The following TMEM114 variants were observed in gnomAD, a reference collection of about 807,000 sequenced individuals.
TMEM114 encodes the protein claudin-26.
TMEM114 carries 6 observed loss-of-function variants against 6.2 expected under a neutral mutation model. That is an observed-to-expected ratio of 0.97 (90% confidence interval 0.53 to 1.91). The LOEUF is 1.91. Among genes scored for constraint, TMEM114 ranks in the 40% most tolerant of loss-of-function variants. The pLI, the probability that TMEM114 is intolerant of heterozygous loss-of-function variation, is 0.01. For synonymous variants in TMEM114, 104 were observed against 73.0 expected, an observed-to-expected ratio of 1.42 and a Z score of -2.16; for missense variants, 218 against 158.3, an observed-to-expected ratio of 1.38 and a Z score of -2.02.
intron 2 of TMEM114, 132 bp from the exon 3 acceptor site, chr16:8,572,356 T>C: frequency 1.1e-6 from 1 of 926,332 alleles, no homozygotes; most frequent in Non-Finnish European, 1.7e-6. Context: ...GACGATTACT[T>C]CTACTGTTTC....
At chr16:8,555,714 A>C (rs954873245) in intron 2 of TMEM114, among the ~76,000 whole-genome samples, 3 of 152,176 alleles carry the variant, frequency 2.0e-5, no homozygotes, top group African/African-American at 4.8e-5. Context: ...CGTGTCTTCC[A>C]GGGGACACCT....
At chr16:8,542,976 A>C (rs1900558567) in intron 2 of TMEM114, among the ~76,000 whole-genome samples, 1 of 152,352 alleles carries the variant, frequency 6.6e-6, no homozygotes, top group African/African-American at 2.4e-5. Context: ...AGCAACATGA[A>C]AATGTTATAC....
chr16:8,558,020 A>G (rs8049554), intron 2 of TMEM114, among the ~76,000 whole-genome samples: 56,340 of 151,648 alleles, frequency 0.37, 11,076 homozygotes, highest in East Asian at 0.52. Flanking sequence ...TTGGGAGGCT[A>G]AGGCAGGCGG....
intron 2 of TMEM114, among the ~76,000 whole-genome samples, chr16:8,574,995 T>A (rs1381896098): frequency 6.6e-6 from 1 of 152,204 alleles, no homozygotes; most frequent in Non-Finnish European, 1.5e-5. Flanking sequence ...TACTTAGAAA[T>A]GCTCCCATCG....
intron 2 of TMEM114, among the ~76,000 whole-genome samples, chr16:8,563,661 GC>G (rs1428287135): frequency 6.6e-6 from 1 of 150,994 alleles, no homozygotes; most frequent in Non-Finnish European, 1.5e-5. Context: ...GAATGAGTGA[GC>G]GAATAAGTAA....
chr16:8,573,912 C>A (rs1901825087), intron 2 of TMEM114, among the ~76,000 whole-genome samples: 1 of 152,160 alleles, frequency 6.6e-6, no homozygotes, highest in South Asian at 2.1e-4. Context: ...TCCCTGTGCA[C>A]AATTGTATCC....
At chr16:8,572,805 A>G (rs1901780522) in intron 2 of TMEM114, among the ~76,000 whole-genome samples, 1 of 152,186 alleles carries the variant, frequency 6.6e-6, no homozygotes, top group African/African-American at 2.4e-5. Context: ...ATTCATTACA[A>G]GAGCCAGGGT....
At chr16:8,551,421 A>T (rs1479146550) in intron 2 of TMEM114, among the ~76,000 whole-genome samples, 1 of 152,242 alleles carries the variant, frequency 6.6e-6, no homozygotes, top group Non-Finnish European at 1.5e-5. Flanking sequence ...CTACACTGTT[A>T]TAGTTAAAAA....
intron 2 of TMEM114, among the ~76,000 whole-genome samples, chr16:8,553,907 C>G (rs1010363262): frequency 5.3e-5 from 8 of 150,552 alleles, no homozygotes; most frequent in African/African-American, 1.7e-4. Context: ...GAGACAGGGT[C>G]TCTCTCAGTC....
chr16:8,556,258 C>G (rs757687943), intron 2 of TMEM114, among the ~76,000 whole-genome samples: 2 of 152,182 alleles, frequency 1.3e-5, no homozygotes, highest in African/African-American at 4.8e-5. Flanking sequence ...GCAGTTATAC[C>G]AGCCCCCGCT....
chr16:8,549,756 G>C (rs923818987), intron 2 of TMEM114, among the ~76,000 whole-genome samples: 2 of 152,114 alleles, frequency 1.3e-5, no homozygotes, highest in Non-Finnish European at 2.9e-5. Context: ...CCATGATGAA[G>C]AGTAAGTAAC....
downstream of TMEM114, among the ~76,000 whole-genome samples, chr16:8,537,357 C>T (rs1310562141): frequency 1.3e-5 from 2 of 151,780 alleles, no homozygotes; most frequent in Non-Finnish European, 2.9e-5. Flanking sequence ...AAAAATTAGC[C>T]AAGCGCGATG....
chr16:8,536,880 G>C (rs11864133), downstream of TMEM114, among the ~76,000 whole-genome samples: 3,141 of 152,122 alleles, frequency 0.021, 97 homozygotes, highest in African/African-American at 0.068. Flanking sequence ...TATTTCCTTT[G>C]TCCTGGCTGT....
At chr16:8,573,593 T>TTCATTTA (rs1439613866) in intron 2 of TMEM114, among the ~76,000 whole-genome samples, 1 of 152,180 alleles carries the variant, frequency 6.6e-6, no homozygotes, top group African/African-American at 2.4e-5. Flanking sequence ...TTATCCATCC[T>TTCATTTA]TCATTTACCA....
At chr16:8,588,163 T>C (rs1169640788) in intron 2 of TMEM114, among the ~76,000 whole-genome samples, 2 of 151,884 alleles carry the variant, frequency 1.3e-5, no homozygotes, top group African/African-American at 4.8e-5. Context: ...GGCAGGCACC[T>C]GTAGTTTCAG....
At chr16:8,579,548 A>G (rs72766407) in intron 2 of TMEM114, among the ~76,000 whole-genome samples, 26,364 of 152,060 alleles carry the variant, frequency 0.17, 2,725 homozygotes, top group Middle Eastern at 0.26. Context: ...ATATGGAAAG[A>G]GCAGGAGTCT....
At chr16:8,565,931 A>T (rs1430766889), downstream of TMEM114, among the ~76,000 whole-genome samples, 1 of 152,236 alleles carries the variant, frequency 6.6e-6, no homozygotes, top group Non-Finnish European at 1.5e-5. Context: ...TTAAAGGCAT[A>T]TCACTCTCAA....
chr16:8,583,681 G>A lies in TMEM114; in HGVS notation c.301+5532C>T, dbSNP rs145165297. ...GAGAATTGCTTGAGCCTGGGAGTTCGAGGCTGCAGTGAGCTATGATTGTGC... is the reference window on the plus strand; with the variant it reads ...GAGAATTGCTTGAGCCTGGGAGTTCAAGGCTGCAGTGAGCTATGATTGTGC... On this transcript the variant is annotated intron_variant, in intron 2 of 3. Transcript: ENST00000620492. Among the ~76,000 whole-genome samples the A allele has an allele frequency of 6.9e-3, 1,046 of 152,060 alleles. 10 individuals are homozygous for A. Among genetic ancestry groups the A allele is most frequent in the African/African-American group, 0.024 (1,001 of 41,480 alleles).
chr16:8,584,688 G>A (rs551312714), intron 2 of TMEM114, among the ~76,000 whole-genome samples: 13 of 152,034 alleles, frequency 8.6e-5, no homozygotes, highest in South Asian at 2.1e-4. Flanking sequence ...TTGGGAGGCC[G>A]AGGCAGGCAG....
Sources: gnomAD v4.1 joint callset for allele counts (sites outside exome capture counted in the v4.1 genomes callset) on GRCh38, gnomAD v4.1.1 for gene constraint, MANE v1.5 for transcripts, NCBI Gene and HGNC (gene_info 2026-07-23, HGNC 2026-07-21) for gene names.